The following ROBO2 variants were observed in gnomAD, a reference collection of about 807,000 sequenced individuals.
The protein encoded by ROBO2 is roundabout homolog 2.
A neutral mutation model predicts 160.8 loss-of-function variants in ROBO2; 53 were observed. The observed-to-expected ratio is 0.33, with a 90% CI of 0.26 to 0.41. ROBO2 has a LOEUF of 0.41. Ranked by LOEUF, ROBO2 falls within the 10% of genes least tolerant of loss-of-function variation. ROBO2 has a pLI of 1.00. For synonymous variants in ROBO2, 664 were observed against 611.7 expected (o/e 1.09, Z -1.26); for missense variants, 1,577 against 1,722.4 (o/e 0.92, Z 1.49).
intron 2 of ROBO2, among the ~76,000 whole-genome samples, chr3:76,360,743 T>C (rs1031239901): frequency 2.0e-4 from 30 of 152,120 alleles, no homozygotes; most frequent in African/African-American, 7.0e-4. Context: ...TGGGTGTTCT[T>C]ACAAAGCTTT....
intron 2 of ROBO2, among the ~76,000 whole-genome samples, chr3:76,056,865 A>G (rs2067865875): frequency 6.6e-6 from 1 of 152,154 alleles, no homozygotes; most frequent in Non-Finnish European, 1.5e-5. Flanking sequence ...GTAAATTGCA[A>G]TTTTTGGACA....
At chr3:76,067,480 C>A (rs966994702) in intron 2 of ROBO2, among the ~76,000 whole-genome samples, 3 of 137,844 alleles carry the variant, frequency 2.2e-5, no homozygotes, top group Non-Finnish European at 1.5e-5. Flanking sequence ...ATAGAATATA[C>A]CAGAGCCTTG....
intron 2 of ROBO2, among the ~76,000 whole-genome samples, chr3:76,149,650 GCACACATCATCTGTCTAAAA>G (rs1356177216): frequency 9.8e-5 from 11 of 112,070 alleles, no homozygotes; most frequent in African/African-American, 2.4e-4. Flanking sequence ...TCTGTCTAAA[GCACACATCATCTGTCTAAAA>G]CACACATCAT....
chr3:76,845,130 G>A (rs1423016467), intron 2 of ROBO2, among the ~76,000 whole-genome samples: 4 of 151,754 alleles, frequency 2.6e-5, no homozygotes, highest in Non-Finnish European at 5.9e-5. Context: ...AAGTTAAATC[G>A]CCAAATACCG....
chr3:76,185,215 T>TATATATATATATACACAC, intron 2 of ROBO2, among the ~76,000 whole-genome samples: 6 of 90,310 alleles, frequency 6.6e-5, no homozygotes, highest in Admixed American at 1.3e-4. Context: ...TATATATATA[T>TATATATATATATACACAC]ACACACACAA....
At chr3:77,552,875 T>G (rs916556551) in intron 8 of ROBO2, among the ~76,000 whole-genome samples, 2 of 152,030 alleles carry the variant, frequency 1.3e-5, no homozygotes, top group African/African-American at 4.8e-5. Flanking sequence ...AGGTTAATGA[T>G]TTAATACTAT....
At chr3:76,918,144 T>A (rs771429736) in intron 2 of ROBO2, among the ~76,000 whole-genome samples, 1 of 152,214 alleles carries the variant, frequency 6.6e-6, no homozygotes, top group Non-Finnish European at 1.5e-5. Flanking sequence ...CTTGGCTGTA[T>A]GTCTCCACTC....
At chr3:77,381,408 G>C (rs540903774) in intron 2 of ROBO2, among the ~76,000 whole-genome samples, 2 of 152,212 alleles carry the variant, frequency 1.3e-5, no homozygotes, top group Admixed American at 1.3e-4. Context: ...TGCCGTATTA[G>C]TCCACAAAGC....
chr3:76,445,048 A>G (rs971069151), intron 2 of ROBO2, among the ~76,000 whole-genome samples: 3 of 152,156 alleles, frequency 2.0e-5, no homozygotes, highest in Admixed American at 1.3e-4. Flanking sequence ...TTTGAAAAGC[A>G]TGAAAATATC....
chr3:76,857,942 C>T (rs1184595978), intron 2 of ROBO2, among the ~76,000 whole-genome samples: 3 of 151,998 alleles, frequency 2.0e-5, no homozygotes, highest in South Asian at 2.1e-4. Flanking sequence ...CTCAAGTTCC[C>T]GATTCCCTCT....
At chr3:77,040,611 G>A in exon 1 of ROBO2, 1 of 1,469,318 alleles carries the variant, frequency 6.8e-7, no homozygotes, top group Non-Finnish European at 8.9e-7. Flanking sequence ...AGTGTGCCCC[G>A]TTCGAGACCT....
intron 2 of ROBO2, among the ~76,000 whole-genome samples, chr3:76,363,952 T>A (rs1426531101): frequency 1.3e-5 from 2 of 152,086 alleles, no homozygotes; most frequent in African/African-American, 4.8e-5. Flanking sequence ...GCTCAGGCAG[T>A]AACTTTTATA....
chr3:76,097,343 C>G (rs897167092), intron 2 of ROBO2, among the ~76,000 whole-genome samples: 6 of 152,146 alleles, frequency 3.9e-5, no homozygotes, highest in Non-Finnish European at 8.8e-5. Context: ...TGGAGAGCTA[C>G]ATGGTCCGTT....
At chr3:76,964,226 G>A (rs1257066895) in intron 2 of ROBO2, among the ~76,000 whole-genome samples, 1 of 152,158 alleles carries the variant, frequency 6.6e-6, no homozygotes, top group Non-Finnish European at 1.5e-5. Flanking sequence ...ATAGTACTGG[G>A]ATTGGAATCA....
At chr3:77,328,032 C>T (rs533540664) in intron 2 of ROBO2, among the ~76,000 whole-genome samples, 1 of 137,834 alleles carries the variant, frequency 7.3e-6, no homozygotes, top group Non-Finnish European at 1.5e-5. Context: ...CACTGCCTTC[C>T]AGCCTGGGTG....
intron 2 of ROBO2, among the ~76,000 whole-genome samples, chr3:76,489,084 C>CAAAAAA (rs67454494): frequency 1.5e-4 from 9 of 60,144 alleles, no homozygotes; most frequent in Middle Eastern, 0.013. Context: ...GACTCTGTCT[C>CAAAAAA]AAAAAAAAAA....
chr3:77,579,947 A>G (rs1459703498), exon 16 of ROBO2: 4 of 1,612,826 alleles, frequency 2.5e-6, no homozygotes, highest in Non-Finnish European at 3.4e-6. Flanking sequence ...ATTTCTGTAG[A>G]TCTGGTGTCT....
At chr3:77,409,412 G>A (rs977769889) in intron 2 of ROBO2, among the ~76,000 whole-genome samples, 1 of 152,040 alleles carries the variant, frequency 6.6e-6, no homozygotes, top group Non-Finnish European at 1.5e-5. Flanking sequence ...CATTGTTTGG[G>A]TTATTTAGTG....
intron 2 of ROBO2, among the ~76,000 whole-genome samples, chr3:77,243,278 A>G (rs1400979714): frequency 6.6e-6 from 1 of 152,226 alleles, no homozygotes; most frequent in Non-Finnish European, 1.5e-5. Context: ...ACTAAATAAA[A>G]CTAGGTATAA....
Sources: allele counts gnomAD v4.1 joint callset (sites outside exome capture counted in the v4.1 genomes callset), GRCh38; gene constraint gnomAD v4.1.1; transcripts MANE v1.5; gene names NCBI Gene and HGNC (gene_info 2026-07-23, HGNC 2026-07-21).